The following PCMT1 variants were observed in gnomAD, a reference collection of about 807,000 sequenced individuals.
The protein encoded by PCMT1 is protein-L-isoaspartate(D-aspartate) O-methyltransferase.
A neutral mutation model predicts 29.2 loss-of-function variants in PCMT1; 9 were observed. That is an observed-to-expected ratio of 0.31 (90% CI 0.19 to 0.54). The LOEUF (loss-of-function observed/expected upper bound fraction) is 0.54. PCMT1 is among the 20% of genes least tolerant of loss of function. The probability of loss-of-function intolerance (pLI) is 0.95; values close to 1 mark genes in which losing one functional copy is unlikely to be tolerated. For synonymous variants in PCMT1, 98 were observed against 97.5 expected (o/e 1.00, Z -0.03); for missense variants, 184 against 282.2 (o/e 0.65, Z 2.49).
intron 7 of PCMT1, among the ~76,000 whole-genome samples, chr6:149,803,382 C>T (rs1174204380): frequency 1.3e-5 from 2 of 152,138 alleles, no homozygotes; most frequent in Admixed American, 6.6e-5. Context: ...AATGAGTGCC[C>T]AGGTCTCACA....
chr6:149,800,556 G>A (rs1011198481), intron 6 of PCMT1, among the ~76,000 whole-genome samples: 1 of 152,104 alleles, frequency 6.6e-6, no homozygotes, highest in Non-Finnish European at 1.5e-5. Context: ...TAATAGTGAT[G>A]CGTAAAGCTA....
At chr6:149,807,597 C>T (rs1776051246) in intron 7 of PCMT1, among the ~76,000 whole-genome samples, 1 of 152,148 alleles carries the variant, frequency 6.6e-6, no homozygotes. Flanking sequence ...TCTCAAACTC[C>T]TGACATCAAG....
At chr6:149,794,548 G>T (rs548718074) in intron 5 of PCMT1, among the ~76,000 whole-genome samples, 1 of 152,206 alleles carries the variant, frequency 6.6e-6, no homozygotes, top group Non-Finnish European at 1.5e-5. Flanking sequence ...AACCCGAGAG[G>T]TGGAGGTTGC....
intron 3 of PCMT1, among the ~76,000 whole-genome samples, chr6:149,783,219 G>A (rs1043479732): frequency 2.0e-5 from 3 of 151,932 alleles, no homozygotes; most frequent in South Asian, 2.1e-4. Context: ...TGCAACCTCC[G>A]CCTTCTGGGT....
intron 1 of PCMT1, among the ~76,000 whole-genome samples, chr6:149,766,939 G>A (rs1409139397): frequency 3.9e-5 from 6 of 152,074 alleles, no homozygotes; most frequent in Non-Finnish European, 8.8e-5. Context: ...AGCTGAGTGT[G>A]GTGGCTCACA....
chr6:149,782,273 C>T (rs1787846060), intron 3 of PCMT1, among the ~76,000 whole-genome samples: 1 of 151,968 alleles, frequency 6.6e-6, no homozygotes, highest in Admixed American at 6.6e-5. Flanking sequence ...CAGTTGTGAT[C>T]TTGAATCATT....
At chr6:149,791,687 A>G (rs1275014496) in intron 4 of PCMT1, among the ~76,000 whole-genome samples, 2 of 152,178 alleles carry the variant, frequency 1.3e-5, no homozygotes, top group Admixed American at 6.5e-5. Context: ...ATAAGGACTC[A>G]TATTTTCTCA....
chr6:149,787,845 ATG>A lies in PCMT1; in HGVS notation c.193-2101_193-2100del, dbSNP rs199535419. On this transcript the variant is annotated intron_variant, in intron 3 of 7. Transcript: ENST00000464889. The stretch of plus-strand genomic sequence containing the variant: ...CCTCTGTGTGTGTGTGTGTGTGTGT[ATG>A]TGTGTGTATTATATTTCCGTTTTTC... Among the ~76,000 whole-genome samples, 787 of 142,612 alleles carry A rather than the reference ATG, an allele frequency of 5.5e-3. 7 individuals are homozygous for A. Among genetic ancestry groups the A allele is most frequent in the African/African-American group, 0.021 (761 of 36,934 alleles). 93.6% of individuals were successfully genotyped at this position (142,612 alleles called of 152,430 possible).
intron 3 of PCMT1, among the ~76,000 whole-genome samples, chr6:149,781,247 G>C (rs1305952074): frequency 1.5e-5 from 2 of 131,326 alleles, no homozygotes; most frequent in African/African-American, 5.6e-5. Context: ...TTTTTTCTGA[G>C]ACAGAGTCTC....
intron 1 of PCMT1, among the ~76,000 whole-genome samples, chr6:149,765,037 C>CTAAA (rs973468865): frequency 2.5e-4 from 36 of 143,482 alleles, no homozygotes; most frequent in South Asian, 2.4e-3. Context: ...GATTCCGTCT[C>CTAAA]TAAATAAATA....
At chr6:149,792,743 T>C (rs1788422358) in intron 4 of PCMT1, among the ~76,000 whole-genome samples, 1 of 152,256 alleles carries the variant, frequency 6.6e-6, no homozygotes, top group Middle Eastern at 3.4e-3. Flanking sequence ...GGTCTCAAAC[T>C]CCTGGGCTCA....
At chr6:149,775,391 T>C (rs189573751) in intron 3 of PCMT1, among the ~76,000 whole-genome samples, 141 of 151,260 alleles carry the variant, frequency 9.3e-4, no homozygotes, top group African/African-American at 3.4e-3. Flanking sequence ...GGAGAAAAAA[T>C]GTTATAAGCA....
intron 1 of PCMT1, among the ~76,000 whole-genome samples, chr6:149,758,317 TCTC>T (rs1422657067): frequency 3.3e-5 from 5 of 150,886 alleles, no homozygotes; most frequent in African/African-American, 1.2e-4. Flanking sequence ...TTCAAGCAAT[TCTC>T]CTGCCTCAGC....
At position 149,768,280 on chromosome 6, in the gene PCMT1, C is replaced by T. The variant is rs141899809; in HGVS notation, c.56-2882C>T. ...TAATTTTCAAATTTTTTTAAAGAAA[C>T]GGGGTCTCCCTATGTTGCCCAGGCT... On this transcript the variant is annotated intron_variant, in intron 1 of 7. Transcript: ENST00000464889. 2.2e-3 allele frequency among the ~76,000 whole-genome samples: 333 copies of T among 150,726 alleles called. 3 individuals are homozygous for T. Among genetic ancestry groups the T allele is most frequent in the African/African-American group, 7.9e-3 (323 of 41,072 alleles).
At chr6:149,767,258 CT>C (rs113665810) in intron 1 of PCMT1, among the ~76,000 whole-genome samples, 35 of 145,552 alleles carry the variant, frequency 2.4e-4, no homozygotes, top group Non-Finnish European at 2.1e-4. Context: ...GTAATTCACT[CT>C]TTTTTTTTTT....
At chr6:149,753,475 G>A (rs549958174) in intron 1 of PCMT1, among the ~76,000 whole-genome samples, 65 of 152,156 alleles carry the variant, frequency 4.3e-4, no homozygotes, top group Non-Finnish European at 5.0e-4. Flanking sequence ...TGGGATTACA[G>A]GCAGGCGCCA....
At chr6:149,761,026 A>AGT (rs57501586) in intron 1 of PCMT1, among the ~76,000 whole-genome samples, 5,968 of 149,684 alleles carry the variant, frequency 0.04, 221 homozygotes, top group African/African-American at 0.11. Flanking sequence ...CAGGTAAAAA[A>AGT]GTGTGTGTGT....
chr6:149,809,290 A>C (rs1181324117), intron 7 of PCMT1, among the ~76,000 whole-genome samples: 1 of 150,278 alleles, frequency 6.7e-6, no homozygotes, highest in Non-Finnish European at 1.5e-5. Flanking sequence ...AAGCCAAAAC[A>C]AGAAAAACAA....
At chr6:149,763,953 T>C (rs1786965165) in intron 1 of PCMT1, among the ~76,000 whole-genome samples, 2 of 152,164 alleles carry the variant, frequency 1.3e-5, no homozygotes, top group Admixed American at 1.3e-4. Context: ...ACAGGGAAAT[T>C]GTCTAATAAT....
Sources: gnomAD v4.1 joint callset for allele counts (sites outside exome capture counted in the v4.1 genomes callset) on GRCh38, gnomAD v4.1.1 for gene constraint, MANE v1.5 for transcripts, NCBI Gene and HGNC (gene_info 2026-07-23, HGNC 2026-07-21) for gene names.